The following ITGA1 variants were observed in gnomAD, a reference collection of about 807,000 sequenced individuals.
The protein encoded by ITGA1 is integrin alpha-1.
A neutral mutation model predicts 145.9 loss-of-function variants in ITGA1; 85 were observed. The observed-to-expected ratio is 0.58, with a 90% CI of 0.49 to 0.70. ITGA1 has a LOEUF of 0.70. ITGA1 is among the 30% of genes least tolerant of loss of function. The pLI is 0.00. For synonymous variants in ITGA1, 520 were observed against 495.3 expected, an observed-to-expected ratio of 1.05 and a Z score of -0.66; for missense variants, 1,351 against 1,418.7, an observed-to-expected ratio of 0.95 and a Z score of 0.77.
intron 15 of ITGA1, among the ~76,000 whole-genome samples, chr5:52,918,020 C>T (rs1251272634): frequency 6.6e-6 from 1 of 152,036 alleles, no homozygotes; most frequent in Non-Finnish European, 1.5e-5. Flanking sequence ...AGACAATGAC[C>T]TCAGTATCCA....
intron 11 of ITGA1, among the ~76,000 whole-genome samples, chr5:52,899,354 C>T (rs1246450769): frequency 2.0e-5 from 3 of 152,038 alleles, no homozygotes; most frequent in Admixed American, 6.6e-5. Flanking sequence ...TGAAGGACAC[C>T]TATTAAAGCT....
intron 2 of ITGA1, among the ~76,000 whole-genome samples, chr5:52,857,060 CT>C (rs1394809223): frequency 1.3e-5 from 2 of 152,160 alleles, no homozygotes; most frequent in Admixed American, 6.5e-5. Flanking sequence ...CTGCAAAGGC[CT>C]TTTAAGGCCT....
At position 52,886,379 on chromosome 5, in the gene ITGA1, G is replaced by A. The variant is rs10155554; in HGVS notation, c.774-1436G>A. On this transcript the variant is annotated intron_variant, in intron 7 of 28. Transcript: ENST00000282588. ...CCAGAATCCTCTCTTCCTGCTTAAA[G>A]ATATCAGTTATGGTATATTTAGTGT... 8.5e-3 allele frequency among the ~76,000 whole-genome samples: 1,290 copies of A among 152,280 alleles called. 25 individuals are homozygous for A. Among genetic ancestry groups the A allele is most frequent in the African/African-American group, 0.03 (1,233 of 41,544 alleles).
chr5:52,925,566 C>T, intron 19 of ITGA1, 79 bp downstream of exon 19: 4 of 1,036,574 alleles, frequency 3.9e-6, no homozygotes, highest in East Asian at 5.0e-5. Flanking sequence ...GAGATAATTG[C>T]TTTTATTAGA....
At chr5:52,856,989 G>A (rs1299670122) in intron 2 of ITGA1, among the ~76,000 whole-genome samples, 1 of 152,144 alleles carries the variant, frequency 6.6e-6, no homozygotes, top group African/African-American at 2.4e-5. Context: ...CCTCTGTTAA[G>A]CAACACTGGG....
chr5:52,866,540 A>G (rs536068638), intron 6 of ITGA1, among the ~76,000 whole-genome samples: 1 of 152,300 alleles, frequency 6.6e-6, no homozygotes, highest in Admixed American at 6.5e-5. Flanking sequence ...ATATTATACA[A>G]ATAAGTTAGT....
intron 27 of ITGA1, 126 bp downstream of exon 27, chr5:52,945,161 A>G (rs182357508): frequency 1.1e-5 from 7 of 664,402 alleles, no homozygotes; most frequent in East Asian, 1.0e-4. Flanking sequence ...GACAGACACT[A>G]TTTGCTTCAA....
chr5:52,884,137 G>C (rs1243406539), intron 7 of ITGA1, among the ~76,000 whole-genome samples: 1 of 152,116 alleles, frequency 6.6e-6, no homozygotes, highest in Non-Finnish European at 1.5e-5. Flanking sequence ...ACCTTTGTTT[G>C]TATACTTTAA....
intron 1 of ITGA1, among the ~76,000 whole-genome samples, chr5:52,794,647 T>A (rs1166912612): frequency 6.8e-6 from 1 of 147,724 alleles, no homozygotes. Flanking sequence ...GAGTACAAGT[T>A]CCTTAAAAAA....
intron 14 of ITGA1, among the ~76,000 whole-genome samples, chr5:52,912,318 A>G (rs1446355089): frequency 6.9e-6 from 1 of 145,256 alleles, no homozygotes; most frequent in Non-Finnish European, 1.5e-5. Flanking sequence ...ACTATATACT[A>G]TATATTTCAT....
Position 52,922,887 on chromosome 5 carries a change from T to G in ITGA1, c.2403T>G (p.Tyr801Ter). The G allele has an allele frequency of 6.5e-7, 1 of 1,537,114 alleles. No homozygotes were observed. The highest frequency in any genetic ancestry group is 9.0e-7 in the Non-Finnish European group (1 of 1,110,692). ...CTCTACCAAACTCAGTACATGAATA[T>G]GTAAGTCAGATTTCTTTAAAATACA... is the stretch of plus-strand genomic sequence containing the variant. ...DDSLPNSVHEYIPFAKDCGNK... is the reference protein window; with the variant it reads ...DDSLPNSVHE The change falls in exon 18 of 29, where the codon TAT becomes TAG. Residue 801 changes from tyrosine to a stop codon, truncating the protein, a stop_gained and splice_region_variant. Transcript: ENST00000282588. LOFTEE classifies it high-confidence loss of function.
chr5:52,939,035 T>G (rs1378535680), intron 24 of ITGA1, among the ~76,000 whole-genome samples: 3 of 152,072 alleles, frequency 2.0e-5, no homozygotes, highest in Non-Finnish European at 4.4e-5. Flanking sequence ...CCCAAGTAGC[T>G]GGGACTACAG....
chr5:52,869,466 T>C (rs1283277540), intron 6 of ITGA1, among the ~76,000 whole-genome samples: 2 of 152,182 alleles, frequency 1.3e-5, no homozygotes, highest in African/African-American at 2.4e-5. Context: ...TGGCCCCATA[T>C]GATTCTTAAA....
At chr5:52,800,869 A>T in intron 1 of ITGA1, 1 of 1,611,128 alleles carries the variant, frequency 6.2e-7, no homozygotes, top group Non-Finnish European at 8.5e-7. Context: ...CATGACCCTC[A>T]CTCGGGCCAA....
At chr5:52,827,449 T>C (rs1295104979) in intron 1 of ITGA1, among the ~76,000 whole-genome samples, 1 of 152,192 alleles carries the variant, frequency 6.6e-6, no homozygotes, top group African/African-American at 2.4e-5. Context: ...TCCATAAACT[T>C]AGACGATAAA....
chr5:52,908,761 G>A (rs1445626450), intron 12 of ITGA1, 137 bp from the exon 13 acceptor site: 2 of 830,990 alleles, frequency 2.4e-6, no homozygotes, highest in Admixed American at 2.5e-5. Flanking sequence ...CTTTCAGGGA[G>A]CATCAATTTT....
intron 9 of ITGA1, among the ~76,000 whole-genome samples, chr5:52,895,637 G>A (rs1310511541): frequency 6.6e-6 from 1 of 152,092 alleles, no homozygotes; most frequent in Non-Finnish European, 1.5e-5. Context: ...GCCCACTTCA[G>A]CTAGGGGAGG....
intron 9 of ITGA1, among the ~76,000 whole-genome samples, chr5:52,895,135 G>C (rs775737032): frequency 5.3e-5 from 8 of 152,046 alleles, no homozygotes; most frequent in Non-Finnish European, 8.8e-5. Context: ...TACTCAGTCT[G>C]TTGATTTCAT....
chr5:52,916,646 A>AGGGT (rs1750652384), intron 15 of ITGA1, among the ~76,000 whole-genome samples: 1 of 152,112 alleles, frequency 6.6e-6, no homozygotes, highest in Non-Finnish European at 1.5e-5. Flanking sequence ...AGAAGACTGA[A>AGGGT]GGGTGATACC....
Sources: allele counts gnomAD v4.1 joint callset (sites outside exome capture counted in the v4.1 genomes callset), GRCh38; gene constraint gnomAD v4.1.1; transcripts MANE v1.5; gene names NCBI Gene and HGNC (gene_info 2026-07-23, HGNC 2026-07-21).